Variants in TRPM7 observed in about 807,000 individuals in gnomAD.
TRPM7 encodes the protein transient receptor potential cation channel subfamily M member 7.
A neutral mutation model predicts 229.7 loss-of-function variants in TRPM7; 134 were observed. The ratio of observed to expected loss-of-function variants is 0.58; its 90% CI spans 0.51 to 0.67. The LOEUF (loss-of-function observed/expected upper bound fraction) is 0.67. Ranked by LOEUF, TRPM7 falls within the 30% of genes least tolerant of loss-of-function variation. The pLI, the probability that TRPM7 is intolerant of heterozygous loss-of-function variation, is 0.00. For missense variants in TRPM7, 1,901 were observed against 2,210.0 expected (o/e 0.86, Z 2.80); for synonymous variants, 699 against 715.2 (o/e 0.98, Z 0.36).
intron 21 of TRPM7, among the ~76,000 whole-genome samples, chr15:50,602,593 T>A (rs1215561559): frequency 6.6e-6 from 1 of 152,206 alleles, no homozygotes; most frequent in East Asian, 1.9e-4. Context: ...ATTTATCATA[T>A]TTTTCAATAG....
At chr15:50,611,060 C>G (rs769890569) in intron 17 of TRPM7, 33 bp downstream of exon 17, 2 of 1,511,888 alleles carry the variant, frequency 1.3e-6, no homozygotes, top group South Asian at 2.3e-5. Context: ...TATCTAATCA[C>G]ATGCTTTATA....
chr15:50,594,610 A>G lies in TRPM7; in HGVS notation c.3294T>C (p.Asn1098=), dbSNP rs1355529685. Residue 1098 remains asparagine (N), a synonymous_variant, in exon 24 of 39, where the codon AAT becomes AAC. Transcript: ENST00000646667. ...MVNLLIAFFN[N]VYLQVKAISN... is the part of the protein sequence containing the mutation. ...AAATTGCCTTCACTTGTAAATACAC[A>G]TTGCTAGAGAAATAATGAATAAAAA... is the stretch of plus-strand genomic sequence containing the variant. The G allele has an allele frequency of 6.4e-7, 1 of 1,566,078 alleles. No homozygotes were observed.
At chr15:50,686,406 C>T (rs2062361871) in intron 1 of TRPM7, 125 bp downstream of exon 1, 2 of 1,522,210 alleles carry the variant, frequency 1.3e-6, no homozygotes, top group South Asian at 2.3e-5. Flanking sequence ...CCGGAAGCCT[C>T]AAGGCAATTC....
chr15:50,634,467 G>A lies in TRPM7; in HGVS notation c.922C>T (p.Pro308Ser), dbSNP rs1395842951. 2 of 1,585,020 alleles carry A rather than the reference G, an allele frequency of 1.3e-6. No homozygotes were observed. The highest frequency in any genetic ancestry group is 1.7e-6 in the Non-Finnish European group (2 of 1,168,072). Residue 308 changes from proline to serine, a missense_variant, in exon 8 of 39, where the codon CCC (proline) becomes TCC (serine). By Grantham distance (74) the Pro-to-Ser change is moderately conservative. Coordinates refer to ENST00000646667, the MANE Select transcript of TRPM7 (RefSeq NM_017672.6). ...LTVLEYLQES[P>S]PVPVVVCEGT... ...TCACACACAACTACTGGAACAGGGGGGCTTTCCTGAAGGTATTCAAGAACT... is the reference window on the plus strand; with the variant it reads ...TCACACACAACTACTGGAACAGGGGAGCTTTCCTGAAGGTATTCAAGAACT...
chr15:50,564,635 A>G (rs1373463279), intron 38 of TRPM7, among the ~76,000 whole-genome samples: 2 of 152,086 alleles, frequency 1.3e-5, no homozygotes, highest in African/African-American at 4.8e-5. Flanking sequence ...AAACCCTTAT[A>G]TTTTTATCTC....
At chr15:50,619,007 C>T (rs920161739) in intron 13 of TRPM7, among the ~76,000 whole-genome samples, 5 of 152,076 alleles carry the variant, frequency 3.3e-5, no homozygotes, top group African/African-American at 1.2e-4. Context: ...GAGTTTTCAG[C>T]ATTTTTACTG....
intron 16 of TRPM7, among the ~76,000 whole-genome samples, chr15:50,612,008 T>C (rs962991457): frequency 1.3e-5 from 2 of 152,260 alleles, no homozygotes; most frequent in African/African-American, 4.8e-5. Context: ...CAGCTCCAAC[T>C]TCACTTCCAC....
At chr15:50,593,944 T>C (rs1303394787) in intron 24 of TRPM7, among the ~76,000 whole-genome samples, 195 bp from the exon 25 acceptor site, 3 of 152,206 alleles carry the variant, frequency 2.0e-5, no homozygotes, top group African/African-American at 7.2e-5. Context: ...GTCAGCAGAA[T>C]ACAATCAGGT....
At chr15:50,567,930 T>G (rs1296098233) in intron 38 of TRPM7, among the ~76,000 whole-genome samples, 2 of 151,394 alleles carry the variant, frequency 1.3e-5, no homozygotes, top group Non-Finnish European at 2.9e-5. Context: ...CAAAAAAAAA[T>G]TAGCCGGGCG....
In TRPM7 at chr15:50,557,404, G is replaced by A. The variant is rs1166702738; in HGVS notation, c.*4274C>T. 1.3e-5 allele frequency: 2 copies of A among 152,178 alleles called. No individual in the cohort carries two copies. Among genetic ancestry groups the A allele is most frequent in the African/African-American group, 2.4e-5 (1 of 41,440 alleles). The allele number at this position is 152,178 out of a possible 1,614,324, so 9.4% of individuals were successfully genotyped here. A position where few individuals can be genotyped will look rare whatever the true frequency, so the allele number is the denominator to read the frequency against. On this transcript the variant is annotated 3_prime_UTR_variant, in exon 39 of 39. Transcript: ENST00000646667. ...TTCCCTCTGTGAAGCATATAATCTA[G>A]TGGGGTAGACTGCTAGCTACTAACT...
At chr15:50,586,947 C>T (rs1270341686) in intron 27 of TRPM7, among the ~76,000 whole-genome samples, 1 of 152,090 alleles carries the variant, frequency 6.6e-6, no homozygotes, top group Non-Finnish European at 1.5e-5. Flanking sequence ...ACCCGGGAGG[C>T]GTAGGGTGCA....
intron 13 of TRPM7, among the ~76,000 whole-genome samples, chr15:50,619,365 T>C (rs1408078081): frequency 6.6e-6 from 1 of 151,650 alleles, no homozygotes; most frequent in Non-Finnish European, 1.5e-5. Context: ...GTACTACAGG[T>C]GTGCACCACC....
chr15:50,585,122 C>T (rs997029175), intron 28 of TRPM7, among the ~76,000 whole-genome samples: 19 of 137,490 alleles, frequency 1.4e-4, no homozygotes, highest in African/African-American at 4.2e-4. Context: ...ACTGCAGTGG[C>T]GCAATCTCGG....
intron 1 of TRPM7, among the ~76,000 whole-genome samples, chr15:50,671,786 G>C (rs563099494): frequency 5.0e-4 from 76 of 152,092 alleles, no homozygotes; most frequent in South Asian, 1.2e-3. Flanking sequence ...CTCCAGCCTG[G>C]GTGAGAGAAC....
At chr15:50,637,934 T>C (rs1328503080) in intron 6 of TRPM7, among the ~76,000 whole-genome samples, 3 of 152,216 alleles carry the variant, frequency 2.0e-5, no homozygotes, top group African/African-American at 7.2e-5. Flanking sequence ...AAAGATATTG[T>C]GGCCAGGCAC....
intron 30 of TRPM7, 148 bp from the exon 31 acceptor site, chr15:50,578,812 C>T (rs2054262073): frequency 2.7e-6 from 1 of 369,256 alleles, no homozygotes; most frequent in Admixed American, 4.3e-5. Flanking sequence ...TTGCCATTTC[C>T]CTTAAGCCAA....
In TRPM7 at chr15:50,599,110, T is replaced by C. The variant is rs748981460; in HGVS notation, c.3163+12A>G. 73 of 1,567,908 alleles carry C rather than the reference T, an allele frequency of 4.7e-5. 1 individual carries two copies. The Middle Eastern group carries it at 7.0e-4, about 15-fold the overall frequency. On this transcript the variant is annotated intron_variant, in intron 22 of 38. Transcript: ENST00000646667. The stretch of plus-strand genomic sequence containing the variant: ...TAACCAAAAGATAAATCTGTAAATA[T>C]ACAATTCTTACCATCAATTTCGTAT...
intron 21 of TRPM7, chr15:50,604,040 A>C (rs2059852441): frequency 6.6e-6 from 1 of 152,212 alleles, no homozygotes; most frequent in Non-Finnish European, 1.5e-5. Flanking sequence ...AGAATAAGGA[A>C]TAGCAATAGC....
At chr15:50,655,301 C>T (rs1388215926) in intron 3 of TRPM7, among the ~76,000 whole-genome samples, 2 of 151,382 alleles carry the variant, frequency 1.3e-5, no homozygotes, top group African/African-American at 2.4e-5. Context: ...GGCATGGTGG[C>T]ATGCGTCTGT....
Sources: allele counts gnomAD v4.1 joint callset (sites outside exome capture counted in the v4.1 genomes callset), GRCh38; gene constraint gnomAD v4.1.1; transcripts MANE v1.5; gene names NCBI Gene and HGNC (gene_info 2026-07-23, HGNC 2026-07-21).